The following SGPP1 variants were observed in gnomAD, a reference collection of about 807,000 sequenced individuals.
SGPP1 encodes the protein hSPP1.
In SGPP1, 21 loss-of-function variants were observed where a neutral mutation model predicts 33.0. The ratio of observed to expected loss-of-function variants is 0.64; its 90% CI spans 0.45 to 0.92. SGPP1 has a LOEUF of 0.92. Among genes scored for constraint, SGPP1 ranks in the 40% least tolerant of loss-of-function variants. SGPP1 has a pLI of 0.00. For missense variants in SGPP1, 543 were observed against 589.4 expected (o/e 0.92, Z 0.81); for synonymous variants, 239 against 241.2 (o/e 0.99, Z 0.08).
chr14:63,714,438 A>T (rs1885580448), intron 1 of SGPP1, among the ~76,000 whole-genome samples: 1 of 151,984 alleles, frequency 6.6e-6, no homozygotes, highest in Admixed American at 6.6e-5. Context: ...TTCATTTTTT[A>T]CTAATGGAGT....
intron 1 of SGPP1, among the ~76,000 whole-genome samples, chr14:63,724,616 T>TAAAA (rs34386504): frequency 1.3e-4 from 11 of 84,996 alleles, no homozygotes; most frequent in African/African-American, 4.2e-4. Flanking sequence ...CAAGGATCTT[T>TAAAA]AAAAAAAAAA....
chr14:63,722,685 G>A (rs1885797878), intron 1 of SGPP1, among the ~76,000 whole-genome samples: 2 of 152,014 alleles, frequency 1.3e-5, no homozygotes, highest in Admixed American at 6.6e-5. Flanking sequence ...CTAATTTTTA[G>A]CAGGGCAAGG....
chr14:63,714,077 C>T (rs1331105207), intron 1 of SGPP1, among the ~76,000 whole-genome samples: 2 of 152,214 alleles, frequency 1.3e-5, no homozygotes, highest in African/African-American at 2.4e-5. Context: ...CCTTGGGATT[C>T]CAGCACATAC....
chr14:63,718,156 G>A (rs1885672265), intron 1 of SGPP1, among the ~76,000 whole-genome samples: 1 of 151,888 alleles, frequency 6.6e-6, no homozygotes, highest in South Asian at 2.1e-4. Flanking sequence ...GCTGAGGCAG[G>A]AGAACTGCTT....
intron 1 of SGPP1, among the ~76,000 whole-genome samples, chr14:63,726,308 T>TA (rs1261645538): frequency 6.6e-6 from 1 of 152,186 alleles, no homozygotes; most frequent in East Asian, 1.9e-4. Flanking sequence ...ACTTTATTCT[T>TA]AAAATAAGGG....
rs372109700 is a variant in SGPP1, at chr14:63,692,070, T to G, written c.775-5414A>C. ...CTCTATAAGAGAAGCAGATGATATA[T>G]AATTTATTGAACCAGGCCTAAGACA... On this transcript the variant is annotated intron_variant, in intron 2 of 2. Transcript: ENST00000247225. Among the ~76,000 whole-genome samples, 80 of 152,346 alleles carry G rather than the reference T, an allele frequency of 5.3e-4. 2 individuals are homozygous for G. The South Asian group carries it at 0.015, about 28-fold the overall frequency.
At chr14:63,707,537 T>G (rs1391799798) in intron 1 of SGPP1, among the ~76,000 whole-genome samples, 1 of 117,040 alleles carries the variant, frequency 8.5e-6, no homozygotes, top group Non-Finnish European at 1.6e-5. Flanking sequence ...ATCTACTGAT[T>G]TTTTTTTTTT....
intron 2 of SGPP1, among the ~76,000 whole-genome samples, chr14:63,689,628 C>G (rs1284866641): frequency 6.6e-6 from 1 of 151,522 alleles, no homozygotes; most frequent in African/African-American, 2.4e-5. Context: ...GAAACCCTAT[C>G]TCTATTAAAA....
Position 63,698,606 on chromosome 14 carries a change from C to A in SGPP1, c.737G>T (p.Cys246Phe). The change falls in exon 2 of 3, where the codon TGC becomes TTC. Residue 246 changes from cysteine to phenylalanine, a missense_variant. Physicochemically the swap from Cys to Phe is radical, Grantham distance 205. Transcript: ENST00000247225. Reference protein sequence around the residue: ...ILIPCWCSLVCLSRIYMGMHS... With the variant: ...ILIPCWCSLVFLSRIYMGMHS... ...CATTCCCATGTAAATTCTACTTAGG[C>A]AAACTAGAGAACACCAGCAGGGAAT... The A allele has an allele frequency of 6.2e-7, 1 of 1,604,718 alleles. No individual in the cohort carries two copies. Among genetic ancestry groups the A allele is most frequent in the Non-Finnish European group, 8.5e-7 (1 of 1,174,224 alleles).
chr14:63,721,258 C>A (rs1452697747), intron 1 of SGPP1, among the ~76,000 whole-genome samples: 2 of 151,772 alleles, frequency 1.3e-5, no homozygotes, highest in Non-Finnish European at 2.9e-5. Flanking sequence ...CCAGGCTGGG[C>A]AACAGAGCAA....
intron 1 of SGPP1, among the ~76,000 whole-genome samples, chr14:63,723,675 C>T (rs1885821715): frequency 6.6e-6 from 1 of 151,142 alleles, no homozygotes; most frequent in African/African-American, 2.4e-5. Flanking sequence ...GACAAGATCA[C>T]ACCACCACAC....
rs1415411443 is a variant in SGPP1, at chr14:63,685,616, A to T, written c.*489T>A. 6.6e-6 allele frequency: 1 copy of T among 152,388 alleles called. No homozygotes were observed. The highest frequency in any genetic ancestry group is 1.9e-4 in the East Asian group (1 of 5,200). 9.4% of individuals were successfully genotyped at this position (152,388 alleles called of 1,614,324 possible). The stretch of plus-strand genomic sequence containing the variant: ...TCTGGTCTAGTAATTACGCAATTCA[A>T]TTAGGAAATGGCTCCCATAGTAAAT... On this transcript the variant is annotated 3_prime_UTR_variant, in exon 3 of 3. Transcript: ENST00000247225.
At chr14:63,722,482 T>G (rs969587335) in intron 1 of SGPP1, among the ~76,000 whole-genome samples, 20 of 150,716 alleles carry the variant, frequency 1.3e-4, no homozygotes, top group African/African-American at 4.6e-4. Flanking sequence ...AGTGAGCCAA[T>G]ATCGCACCAC....
intron 1 of SGPP1, among the ~76,000 whole-genome samples, chr14:63,721,696 A>T (rs1885774039): frequency 6.6e-6 from 1 of 152,140 alleles, no homozygotes; most frequent in African/African-American, 2.4e-5. Context: ...GACCTCACAG[A>T]TATCTTCTTC....
chr14:63,695,213 C>T (rs1458586667), intron 2 of SGPP1, among the ~76,000 whole-genome samples: 4 of 152,246 alleles, frequency 2.6e-5, no homozygotes, highest in Non-Finnish European at 4.4e-5. Context: ...CCCGCCACCA[C>T]GCCTGGCTAA....
At chr14:63,696,547 A>G (rs749164181) in intron 2 of SGPP1, among the ~76,000 whole-genome samples, 2 of 152,240 alleles carry the variant, frequency 1.3e-5, no homozygotes, top group African/African-American at 2.4e-5. Context: ...TCTTGTAACA[A>G]GTATTTGATT....
At position 63,718,994 on chromosome 14, in the gene SGPP1, ATATATATATATATATATATATTTT is replaced by A. The variant is rs1414855282; in HGVS notation, c.684+8243_684+8266del. On this transcript the variant is annotated intron_variant, in intron 1 of 2. Transcript: ENST00000247225. ...TGTATATACATATATATATATATAT[ATATATATATATATATATATATTTT>A]TTTTTTTTTTTTTTTTTTTTTTTTT... 7.5e-3 allele frequency among the ~76,000 whole-genome samples: 135 copies of A among 18,058 alleles called. 3 individuals are homozygous for A. The highest frequency in any genetic ancestry group is 0.036 in the African/African-American group (124 of 3,484). The allele number at this position is 18,058 out of a possible 152,430, so 11.8% of individuals were successfully genotyped here. A position where few individuals can be genotyped will look rare whatever the true frequency, so the allele number is the denominator to read the frequency against.
At chr14:63,689,833 T>A (rs1885057202) in intron 2 of SGPP1, among the ~76,000 whole-genome samples, 1 of 152,154 alleles carries the variant, frequency 6.6e-6, no homozygotes, top group Non-Finnish European at 1.5e-5. Flanking sequence ...TTTGCTTCTT[T>A]CTGAGCTTTG....
chr14:63,716,894 T>G (rs563539423), intron 1 of SGPP1, among the ~76,000 whole-genome samples: 14 of 152,234 alleles, frequency 9.2e-5, no homozygotes, highest in African/African-American at 3.4e-4. Flanking sequence ...GGTTTCTGCA[T>G]GTTGGCCAGG....
Sources: allele counts gnomAD v4.1 joint callset (sites outside exome capture counted in the v4.1 genomes callset), GRCh38; gene constraint gnomAD v4.1.1; transcripts MANE v1.5; gene names NCBI Gene and HGNC (gene_info 2026-07-23, HGNC 2026-07-21).